Variants in FGF2 observed in about 807,000 individuals in gnomAD.
The protein encoded by FGF2 is basic fibroblast growth factor bFGF.
A neutral mutation model predicts 15.9 loss-of-function variants in FGF2; 13 were observed. That is an observed-to-expected ratio of 0.82 (90% CI 0.53 to 1.30). The LOEUF is 1.30. Ranked by LOEUF, FGF2 falls within the 50% of genes most tolerant of loss-of-function variation. FGF2 has a pLI of 0.00. For synonymous variants in FGF2, 90 were observed against 78.4 expected, an observed-to-expected ratio of 1.15 and a Z score of -0.78; for missense variants, 163 against 196.9, an observed-to-expected ratio of 0.83 and a Z score of 1.03.
chr4:122,859,653 T>TACACAC (rs3034609), intron 1 of FGF2, among the ~76,000 whole-genome samples: 12 of 149,782 alleles, frequency 8.0e-5, no homozygotes, highest in East Asian at 3.9e-4. Context: ...CATATGTATA[T>TACACAC]ACACACACAC....
At chr4:122,880,187 C>A (rs777095073) in intron 2 of FGF2, among the ~76,000 whole-genome samples, 1 of 152,046 alleles carries the variant, frequency 6.6e-6, no homozygotes, top group Non-Finnish European at 1.5e-5. Context: ...GAGAAATTGG[C>A]CCAAATGAAG....
At chr4:122,879,844 C>T (rs1726926462) in intron 2 of FGF2, among the ~76,000 whole-genome samples, 1 of 152,168 alleles carries the variant, frequency 6.6e-6, no homozygotes, top group African/African-American at 2.4e-5. Context: ...AAAGACTTGT[C>T]CCCATGATTC....
intron 1 of FGF2, among the ~76,000 whole-genome samples, chr4:122,869,774 A>G (rs539591033): frequency 2.6e-5 from 4 of 152,332 alleles, no homozygotes; most frequent in African/African-American, 7.2e-5. Context: ...CAATCATGTC[A>G]TCTGCAAACA....
At chr4:122,891,033 T>G (rs566488340) in intron 2 of FGF2, among the ~76,000 whole-genome samples, 6 of 118,058 alleles carry the variant, frequency 5.1e-5, no homozygotes, top group African/African-American at 1.6e-4. Flanking sequence ...TTTTTTTTTT[T>G]TTGTTTTGTT....
chr4:122,893,056 T>C lies in FGF2; in HGVS notation c.*660T>C, dbSNP rs751612205. The C allele has an allele frequency of 6.2e-6, 10 of 1,614,200 alleles. No homozygotes were observed. The highest frequency in any genetic ancestry group is 5.9e-6 in the Non-Finnish European group (7 of 1,180,052). On this transcript the variant is annotated 3_prime_UTR_variant, in exon 3 of 3. Transcript: ENST00000644866. ...CCATCCACTCACATCTTAAGCATTCTTCCTGGCAAAAATTTATGGTGAATG... is the reference window on the plus strand; with the variant it reads ...CCATCCACTCACATCTTAAGCATTCCTCCTGGCAAAAATTTATGGTGAATG...
At chr4:122,891,204 C>A (rs1237234118) in intron 2 of FGF2, among the ~76,000 whole-genome samples, 1 of 151,294 alleles carries the variant, frequency 6.6e-6, no homozygotes, top group Non-Finnish European at 1.5e-5. Context: ...ACACGCCCGG[C>A]TAATTTTTTG....
intron 2 of FGF2, 138 bp downstream of exon 2, chr4:122,876,562 T>C (rs1197229996): frequency 1.4e-6 from 1 of 701,910 alleles, no homozygotes. Context: ...TAGGGAGTAT[T>C]TTCTTTATTT....
intron 1 of FGF2, among the ~76,000 whole-genome samples, chr4:122,855,561 G>T (rs2150773586): frequency 6.6e-6 from 1 of 152,300 alleles, no homozygotes; most frequent in Non-Finnish European, 1.5e-5. Context: ...GTCTGCTGCT[G>T]CCTCCTCAGA....
chr4:122,891,458 A>G (rs1727187458), intron 2 of FGF2, among the ~76,000 whole-genome samples: 1 of 146,966 alleles, frequency 6.8e-6, no homozygotes. Context: ...AGTTGAATTG[A>G]AATTAAAAGG....
intron 2 of FGF2, 150 bp downstream of exon 2, chr4:122,876,574 A>C: frequency 1.4e-6 from 1 of 690,814 alleles, no homozygotes; most frequent in Non-Finnish European, 2.6e-6. Flanking sequence ...TCTTTATTTC[A>C]CAGATGCAAA....
At chr4:122,891,053 T>A (rs12509482) in intron 2 of FGF2, among the ~76,000 whole-genome samples, 19,626 of 141,204 alleles carry the variant, frequency 0.14, 1,402 homozygotes, top group East Asian at 0.38. Context: ...TTTGTTTTGT[T>A]TTTTTGAGAC....
intron 2 of FGF2, among the ~76,000 whole-genome samples, chr4:122,879,041 T>G (rs1726911383): frequency 6.6e-6 from 1 of 152,192 alleles, no homozygotes. Context: ...TTAGATAGAT[T>G]TGGGTATGAT....
chr4:122,884,203 T>C (rs888847067), intron 2 of FGF2, among the ~76,000 whole-genome samples: 3 of 152,196 alleles, frequency 2.0e-5, no homozygotes, highest in Non-Finnish European at 4.4e-5. Context: ...AGGTTTAAGA[T>C]CAAATTTAGG....
intron 1 of FGF2, 74 bp from the exon 2 acceptor site, chr4:122,876,247 T>C: frequency 2.2e-6 from 2 of 920,048 alleles, no homozygotes; most frequent in Non-Finnish European, 3.6e-6. Flanking sequence ...GTTTTGTCTT[T>C]ATATTGCGTA....
intron 1 of FGF2, among the ~76,000 whole-genome samples, chr4:122,830,444 C>T (rs12509901): frequency 0.025 from 3,742 of 152,236 alleles, 148 homozygotes; most frequent in East Asian, 0.13. Context: ...CCTGGGCATT[C>T]TCCTGAATTT....
At chr4:122,852,449 A>G (rs1391798118) in intron 1 of FGF2, among the ~76,000 whole-genome samples, 1 of 152,188 alleles carries the variant, frequency 6.6e-6, no homozygotes, top group African/African-American at 2.4e-5. Flanking sequence ...CTAATATCAA[A>G]ATTGCCAATG....
chr4:122,853,043 A>G (rs1658148522), intron 1 of FGF2, among the ~76,000 whole-genome samples: 1 of 152,156 alleles, frequency 6.6e-6, no homozygotes, highest in Non-Finnish European at 1.5e-5. Context: ...CATTCATGTA[A>G]TCCCAGTACT....
In FGF2 at chr4:122,877,310, G is replaced by A. The variant is rs560598030; in HGVS notation, c.282+886G>A. On this transcript the variant is annotated intron_variant, in intron 2 of 2. Coordinates refer to ENST00000644866, the MANE Select transcript of FGF2 (RefSeq NM_001361665.2). ...TATTTTTTAGTAGAGACAGGGTTTC[G>A]CCATGTTGGCTGGGCTGGTCCTGAA... 1.8e-3 allele frequency among the ~76,000 whole-genome samples: 279 copies of A among 152,162 alleles called. 1 individual carries two copies. The highest frequency in any genetic ancestry group is 6.4e-3 in the African/African-American group (264 of 41,514).
chr4:122,848,009 G>A (rs1449634511), intron 1 of FGF2, among the ~76,000 whole-genome samples: 1 of 152,174 alleles, frequency 6.6e-6, no homozygotes, highest in Non-Finnish European at 1.5e-5. Context: ...CAGCCAAGCT[G>A]ACACATAAAA....
Sources: allele counts gnomAD v4.1 joint callset (sites outside exome capture counted in the v4.1 genomes callset), GRCh38; gene constraint gnomAD v4.1.1; transcripts MANE v1.5; gene names NCBI Gene and HGNC (gene_info 2026-07-23, HGNC 2026-07-21).